Variants in PRKACB observed in about 807,000 individuals in gnomAD.
PRKACB encodes cAMP-dependent protein kinase catalytic subunit beta.
A neutral mutation model predicts 51.4 loss-of-function variants in PRKACB; 16 were observed. That is an observed-to-expected ratio of 0.31 (90% CI 0.21 to 0.47). The LOEUF (loss-of-function observed/expected upper bound fraction) is 0.47, where lower values mean the gene tolerates loss of function less well. Ranked by LOEUF, PRKACB falls within the 20% of genes least tolerant of loss-of-function variation. The probability of loss-of-function intolerance (pLI) is 1.00; values close to 1 mark genes in which losing one functional copy is unlikely to be tolerated. For synonymous variants in PRKACB, 147 were observed against 154.4 expected, an observed-to-expected ratio of 0.95 and a Z score of 0.35; for missense variants, 309 against 464.5, an observed-to-expected ratio of 0.67 and a Z score of 3.08.
Position 84,235,195 on chromosome 1 carries a change from A to C in PRKACB, c.1087A>C (p.Ile363Leu), listed in dbSNP as rs141749538. The change falls in exon 10 of 10, where the codon ATA (isoleucine) becomes CTA (leucine). Residue 363 changes from isoleucine (I) to leucine (L), a missense_variant. This residue lies in a region of PRKACB where 96 missense variants were observed against 129.9 expected (regional missense o/e 0.74). Transcript: ENST00000370685. Reference sequence around the variant, plus strand: ...TCAATTATAGGTTGAAGCTCCATTCATACCAAAGTTTAGAGGCTCTGGAGA... The same window carrying C: ...TCAATTATAGGTTGAAGCTCCATTCCTACCAAAGTTTAGAGGCTCTGGAGA... ...IYQRKVEAPF[I>L]PKFRGSGDTS... is the part of the protein sequence containing the mutation. 6.2e-7 allele frequency: 1 copy of C among 1,613,572 alleles called. No individual in the cohort carries two copies. The highest frequency in any genetic ancestry group is 1.1e-5 in the South Asian group (1 of 90,996).
At position 84,236,616 on chromosome 1, in the gene PRKACB, C is replaced by T. The variant is rs41301194; in HGVS notation, c.*1311C>T. ...GAATGTCTGATCGATCATGCAGATACAATGTTGGTATTTGAGAGGTTAGTT... is the reference window on the plus strand; with the variant it reads ...GAATGTCTGATCGATCATGCAGATATAATGTTGGTATTTGAGAGGTTAGTT... On this transcript the variant is annotated 3_prime_UTR_variant, in exon 10 of 10. Coordinates refer to ENST00000370685, the MANE Select transcript of PRKACB (RefSeq NM_182948.4). 1.1e-3 allele frequency: 172 copies of T among 152,716 alleles called. 3 individuals carry two copies. The highest frequency in any genetic ancestry group is 4.1e-3 in the African/African-American group (170 of 41,566). The allele number at this position is 152,716 out of a possible 1,614,324, so 9.5% of individuals were successfully genotyped here. A position where few individuals can be genotyped will look rare whatever the true frequency, so the allele number is the denominator to read the frequency against.
At chr1:84,093,917 G>T (rs892113867) in intron 1 of PRKACB, among the ~76,000 whole-genome samples, 1 of 151,754 alleles carries the variant, frequency 6.6e-6, no homozygotes, top group African/African-American at 2.4e-5. Context: ...ATTTTTCATT[G>T]TGAGTATATA....
chr1:84,112,746 G>A lies in PRKACB; in HGVS notation c.46+34375G>A, dbSNP rs141677932. On this transcript the variant is annotated intron_variant, in intron 1 of 8. Coordinates refer to the PRKACB transcript ENST00000370688. Reference sequence around the variant, plus strand: ...TAATTCACATGTCCTCCCAAGAAAGGCAGGTAGCAAGGTATCTTATTTGTA... The same window carrying A: ...TAATTCACATGTCCTCCCAAGAAAGACAGGTAGCAAGGTATCTTATTTGTA... Among the ~76,000 whole-genome samples, 26 of 152,276 alleles carry A rather than the reference G, an allele frequency of 1.7e-4. No homozygotes were observed. The East Asian group carries it at 4.4e-3, about 26-fold the overall frequency.
chr1:84,190,246 T>A (rs931884380), intron 5 of PRKACB, among the ~76,000 whole-genome samples: 1 of 151,932 alleles, frequency 6.6e-6, no homozygotes, highest in Non-Finnish European at 1.5e-5. Context: ...AACTTATTTG[T>A]TATGGCCCAG....
intron 1 of PRKACB, chr1:84,164,845 T>G: frequency 7.2e-7 from 1 of 1,389,116 alleles, no homozygotes; most frequent in Non-Finnish European, 9.3e-7. Context: ...TAGGGGCTTC[T>G]CTTTTTAAAA....
chr1:84,175,098 AT>A, intron 1 of PRKACB: 3 of 1,383,576 alleles, frequency 2.2e-6, no homozygotes, highest in South Asian at 1.7e-5. Flanking sequence ...TACCTTTAAA[AT>A]TTTTTATTTA....
At chr1:84,204,704 A>G in intron 8 of PRKACB, 1 of 966,832 alleles carries the variant, frequency 1.0e-6, no homozygotes, top group South Asian at 4.5e-5. Context: ...AAATCATTTA[A>G]TTGACAGTAA....
At chr1:84,171,844 C>T (rs1659594515) in intron 1 of PRKACB, among the ~76,000 whole-genome samples, 1 of 151,446 alleles carries the variant, frequency 6.6e-6, no homozygotes, top group African/African-American at 2.4e-5. Context: ...TTAAAAAAAT[C>T]AATATATAAA....
At position 84,184,172 on chromosome 1, in the gene PRKACB, C is replaced by T. The variant is rs367557227; in HGVS notation, c.477+37C>T. ...TAATATCTAAATAAGATATTTTCAA[C>T]CTAAATTTTTTTTAAGATGAAACTA... is the stretch of plus-strand genomic sequence containing the variant. On this transcript the variant is annotated intron_variant, in intron 4 of 9. Transcript: ENST00000370685. 599 of 1,540,750 alleles carry T rather than the reference C, an allele frequency of 3.9e-4. 3 individuals carry two copies. The highest frequency in any genetic ancestry group is 6.5e-4 in the South Asian group (52 of 79,734).
chr1:84,100,429 G>A (rs1649263112), intron 1 of PRKACB, among the ~76,000 whole-genome samples: 1 of 152,004 alleles, frequency 6.6e-6, no homozygotes, highest in African/African-American at 2.4e-5. Flanking sequence ...AAGTGAATGG[G>A]GACATTTTAG....
chr1:84,089,796 CA>C (rs1010950612), intron 1 of PRKACB, among the ~76,000 whole-genome samples: 2 of 152,102 alleles, frequency 1.3e-5, no homozygotes, highest in Non-Finnish European at 2.9e-5. Flanking sequence ...TCTTTGATCA[CA>C]ATTTCCTCTC....
chr1:84,211,114 C>T (rs982202110), intron 8 of PRKACB, among the ~76,000 whole-genome samples: 4 of 109,044 alleles, frequency 3.7e-5, no homozygotes, highest in African/African-American at 1.4e-4. Flanking sequence ...CACAACCCAC[C>T]ACCACTCCAC....
At chr1:84,214,370 A>G (rs1672568979) in intron 9 of PRKACB, 53 bp downstream of exon 9, 2 of 1,448,648 alleles carry the variant, frequency 1.4e-6, no homozygotes, top group African/African-American at 1.4e-5. Flanking sequence ...TGTTTAAATT[A>G]TATGTGGTGG....
chr1:84,208,902 G>A (rs1375348248), intron 8 of PRKACB, among the ~76,000 whole-genome samples: 1 of 152,140 alleles, frequency 6.6e-6, no homozygotes, highest in African/African-American at 2.4e-5. Flanking sequence ...GTTGGGATTG[G>A]AACCCAGGAA....
chr1:84,191,470 TA>T (rs1179027126), intron 5 of PRKACB, among the ~76,000 whole-genome samples: 4 of 152,216 alleles, frequency 2.6e-5, no homozygotes, highest in Admixed American at 6.6e-5. Flanking sequence ...AAATGTGGTA[TA>T]TATACACCAT....
At chr1:84,210,840 A>G (rs116574363) in intron 8 of PRKACB, among the ~76,000 whole-genome samples, 1,826 of 152,244 alleles carry the variant, frequency 0.012, 45 homozygotes, top group African/African-American at 0.04. Flanking sequence ...AATCAACATG[A>G]CTCTTTGAAA....
At chr1:84,173,356 G>C (rs1201426065) in intron 1 of PRKACB, 2 of 1,570,472 alleles carry the variant, frequency 1.3e-6, no homozygotes, top group African/African-American at 2.7e-5. Flanking sequence ...GCATCTGGTA[G>C]GAAAACCCCT....
intron 1 of PRKACB, among the ~76,000 whole-genome samples, chr1:84,100,032 A>G (rs1649214499): frequency 6.6e-6 from 1 of 152,316 alleles, no homozygotes; most frequent in Non-Finnish European, 1.5e-5. Context: ...CTGTAAAGAT[A>G]CGAGACTGGG....
chr1:84,151,712 C>G (rs1654877040), intron 1 of PRKACB, among the ~76,000 whole-genome samples: 1 of 152,202 alleles, frequency 6.6e-6, no homozygotes, highest in African/African-American at 2.4e-5. Context: ...AGAAGCAACT[C>G]CTCACTCGTT....
Sources: gnomAD v4.1 joint callset for allele counts (sites outside exome capture counted in the v4.1 genomes callset) on GRCh38, gnomAD v4.1.1 for gene constraint, gnomAD v4.1.1 regional missense constraint, MANE v1.5 for transcripts, NCBI Gene and HGNC (gene_info 2026-07-23, HGNC 2026-07-21) for gene names.